Variants in ALKAL1 observed in about 807,000 individuals in gnomAD.
ALKAL1 encodes ALK and LTK ligand 1.
A neutral mutation model predicts 13.5 loss-of-function variants in ALKAL1; 23 were observed. The ratio of observed to expected loss-of-function variants is 1.70; its 90% CI spans 1.23 to 2.41. The LOEUF is 2.41. Ranked by LOEUF, ALKAL1 falls within the 30% of genes most tolerant of loss-of-function variation. The pLI, the probability that ALKAL1 is intolerant of heterozygous loss-of-function variation, is 0.00. For synonymous variants in ALKAL1, 85 were observed against 77.7 expected (o/e 1.09, Z -0.49); for missense variants, 181 against 178.4 (o/e 1.01, Z -0.08).
chr8:52,548,928 T>A (rs1005785478), intron 1 of ALKAL1, among the ~76,000 whole-genome samples: 13 of 152,178 alleles, frequency 8.5e-5, no homozygotes, highest in East Asian at 7.7e-4. Flanking sequence ...CTTATATTCT[T>A]GTTTAAAAAT....
chr8:52,556,805 C>T (rs934949788), intron 1 of ALKAL1, among the ~76,000 whole-genome samples: 2 of 152,030 alleles, frequency 1.3e-5, no homozygotes, highest in South Asian at 2.1e-4. Context: ...TGTTACATTT[C>T]CTTTCTTTCT....
intron 1 of ALKAL1, among the ~76,000 whole-genome samples, chr8:52,548,562 C>A (rs1360402490): frequency 6.6e-6 from 1 of 152,002 alleles, no homozygotes; most frequent in African/African-American, 2.4e-5. Context: ...ATGACCCTGA[C>A]CAGATCACTG....
At chr8:52,551,477 T>C (rs1590868416) in intron 1 of ALKAL1, among the ~76,000 whole-genome samples, 1 of 150,766 alleles carries the variant, frequency 6.6e-6, no homozygotes, top group South Asian at 2.1e-4. Flanking sequence ...TTTTTTTTTT[T>C]TTTTACTTTT....
rs1196907349 is a variant in ALKAL1, at chr8:52,565,193, G to A, written c.64C>T (p.Pro22Ser). 3.7e-6 allele frequency: 5 copies of A among 1,358,616 alleles called. No individual in the cohort carries two copies. In the African/African-American group the frequency reaches 4.6e-5, roughly 12 times the overall value. 84.2% of individuals were successfully genotyped at this position (1,358,616 alleles called of 1,614,324 possible). A position where few individuals can be genotyped will look rare whatever the true frequency, so the allele number is the denominator to read the frequency against. ...CGGGGCCTCCCGTGGGCTCCGTGCG[G>A]GGACAAAGCCAGCGCCAGCAGGAAG... Reference protein sequence around the residue: ...ALFLLALALSPHGAHGRPRGR... With the variant: ...ALFLLALALSSHGAHGRPRGR... The change falls in exon 1 of 5, where the codon CCG (proline) becomes TCG (serine). Residue 22 changes from proline to serine, a missense_variant. Coordinates refer to ENST00000358543, the MANE Select transcript of ALKAL1 (RefSeq NM_207413.4).
chr8:52,553,551 C>T (rs185970905), intron 1 of ALKAL1, among the ~76,000 whole-genome samples: 14 of 152,238 alleles, frequency 9.2e-5, no homozygotes, highest in African/African-American at 3.1e-4. Flanking sequence ...CCAGCCAGAC[C>T]GCCAAAGATG....
chr8:52,535,592 G>C (rs1384397116), intron 4 of ALKAL1, among the ~76,000 whole-genome samples: 2 of 123,584 alleles, frequency 1.6e-5, no homozygotes, highest in Non-Finnish European at 3.6e-5. Context: ...AAGAAAGAAA[G>C]AAAAAAAAGC....
intron 1 of ALKAL1, among the ~76,000 whole-genome samples, chr8:52,547,262 C>T (rs1434264046): frequency 6.6e-6 from 1 of 152,004 alleles, no homozygotes; most frequent in Non-Finnish European, 1.5e-5. Flanking sequence ...CTTTGGGAGG[C>T]TGAGGCAGGT....
intron 1 of ALKAL1, among the ~76,000 whole-genome samples, chr8:52,557,938 C>T (rs1847501573): frequency 6.7e-6 from 1 of 149,354 alleles, no homozygotes; most frequent in Admixed American, 6.7e-5. Context: ...TGCACTCCAG[C>T]CTGGGCAACC....
At chr8:52,558,639 G>C (rs1590870584) in intron 1 of ALKAL1, among the ~76,000 whole-genome samples, 1 of 151,838 alleles carries the variant, frequency 6.6e-6, no homozygotes. Context: ...GGCTAAAGTC[G>C]GGCTCGTTTA....
chr8:52,558,814 G>A (rs1400223720), intron 1 of ALKAL1, among the ~76,000 whole-genome samples: 1 of 152,136 alleles, frequency 6.6e-6, no homozygotes, highest in African/African-American at 2.4e-5. Context: ...CGTTTTGTGT[G>A]GCTATAAAGG....
chr8:52,565,090 G>A lies in ALKAL1; in HGVS notation c.167C>T (p.Thr56Ile), dbSNP rs750031892. The change falls in exon 1 of 5, where the codon ACT becomes ATT. Residue 56 changes from threonine (T) to isoleucine (I), a missense_variant. Thr to Ile is a moderately conservative substitution (Grantham distance 89). Coordinates refer to ENST00000358543, the MANE Select transcript of ALKAL1 (RefSeq NM_207413.4). The stretch of plus-strand genomic sequence containing the variant: ...ACCTGCGCTCCGGGAGCCGCTGGGA[G>A]TCCGGCCGGCCCCGGCCGCGGGGAG... ...LFLPAAGAGR[T>I]PSGSRSAEIF... 71 of 1,414,352 alleles carry A rather than the reference G, an allele frequency of 5.0e-5. No individual in the cohort carries two copies. The highest frequency in any genetic ancestry group is 2.0e-4 in the Middle Eastern group (1 of 5,106). 87.6% of individuals were successfully genotyped at this position (1,414,352 alleles called of 1,614,324 possible). A position where few individuals can be genotyped will look rare whatever the true frequency, so the allele number is the denominator to read the frequency against.
intron 2 of ALKAL1, among the ~76,000 whole-genome samples, chr8:52,540,425 G>A (rs1263167449): frequency 6.6e-6 from 1 of 152,036 alleles, no homozygotes; most frequent in Non-Finnish European, 1.5e-5. Flanking sequence ...TCCAAGGTGG[G>A]CCCCTTGGAT....
At chr8:52,558,419 TG>T (rs1297568951) in intron 1 of ALKAL1, among the ~76,000 whole-genome samples, 1 of 148,732 alleles carries the variant, frequency 6.7e-6, no homozygotes, top group Non-Finnish European at 1.5e-5. Context: ...TAAATTTGAA[TG>T]AGTAGTTTAT....
intron 1 of ALKAL1, among the ~76,000 whole-genome samples, chr8:52,549,556 C>T (rs1232146982): frequency 6.6e-6 from 1 of 151,826 alleles, no homozygotes; most frequent in Non-Finnish European, 1.5e-5. Context: ...TTATTAACAA[C>T]ACCAGTTGTA....
chr8:52,546,687 A>C (rs1590866991), intron 1 of ALKAL1, among the ~76,000 whole-genome samples: 1 of 152,384 alleles, frequency 6.6e-6, no homozygotes, highest in South Asian at 2.1e-4. Context: ...TATCAGTTTA[A>C]GACTGTGAGG....
At chr8:52,552,950 A>G (rs1847443650) in intron 1 of ALKAL1, among the ~76,000 whole-genome samples, 1 of 152,218 alleles carries the variant, frequency 6.6e-6, no homozygotes, top group Non-Finnish European at 1.5e-5. Context: ...GGCTGCTTCT[A>G]GCCCCTCGAA....
chr8:52,547,853 C>T (rs1267778050), intron 1 of ALKAL1, among the ~76,000 whole-genome samples: 5 of 152,162 alleles, frequency 3.3e-5, no homozygotes, highest in Admixed American at 3.3e-4. Context: ...TTTATTTTAA[C>T]TAAGTATAGC....
chr8:52,555,462 C>T (rs1033952718), intron 1 of ALKAL1, among the ~76,000 whole-genome samples: 5 of 151,970 alleles, frequency 3.3e-5, no homozygotes, highest in African/African-American at 1.2e-4. Flanking sequence ...AGGAAGGAAA[C>T]GGTCAAGATT....
At chr8:52,538,066 C>A (rs555084279) in intron 4 of ALKAL1, among the ~76,000 whole-genome samples, 3 of 148,102 alleles carry the variant, frequency 2.0e-5, no homozygotes, top group African/African-American at 2.5e-5. Context: ...TCCAGCCTGG[C>A]GACAGAGCGA....
Sources: allele counts gnomAD v4.1 joint callset (sites outside exome capture counted in the v4.1 genomes callset), GRCh38; gene constraint gnomAD v4.1.1; transcripts MANE v1.5; gene names NCBI Gene and HGNC (gene_info 2026-07-23, HGNC 2026-07-21).